Variants in AIG1 observed in about 807,000 individuals in gnomAD.
AIG1 encodes androgen-induced gene 1 protein.
AIG1 carries 23 observed loss-of-function variants against 31.4 expected under a neutral mutation model. The ratio of observed to expected loss-of-function variants is 0.73; its 90% confidence interval spans 0.53 to 1.04. The LOEUF is 1.04. AIG1 is among the 50% of genes least tolerant of loss of function. The pLI, the probability that AIG1 is intolerant of heterozygous loss-of-function variation, is 0.00. For synonymous variants in AIG1, 100 were observed against 110.5 expected (o/e 0.90, Z 0.60); for missense variants, 274 against 295.0 (o/e 0.93, Z 0.52).
chr6:143,277,481 A>G (rs1209023248), intron 3 of AIG1, among the ~76,000 whole-genome samples: 1 of 152,240 alleles, frequency 6.6e-6, no homozygotes, highest in Non-Finnish European at 1.5e-5. Flanking sequence ...AAAGATATGC[A>G]TGTCTTTATT....
intron 3 of AIG1, chr6:143,188,341 A>G: frequency 1.0e-6 from 1 of 985,550 alleles, no homozygotes; most frequent in Non-Finnish European, 1.2e-6. Flanking sequence ...TTACTGAGCG[A>G]TGTATTTATG....
intron 3 of AIG1, among the ~76,000 whole-genome samples, chr6:143,224,505 A>G (rs2128626161): frequency 6.6e-6 from 1 of 152,314 alleles, no homozygotes; most frequent in Non-Finnish European, 1.5e-5. Context: ...GAAATAAGAG[A>G]AGAAAAGTAT....
chr6:143,342,325 A>C, downstream of AIG1: 2 of 676,806 alleles, frequency 3.0e-6, no homozygotes, highest in Non-Finnish European at 5.4e-6. Context: ...AGCAGCTGCG[A>C]GGAGCTCACT....
chr6:143,342,083 G>A (rs113656220), downstream of AIG1, among the ~76,000 whole-genome samples: 8,103 of 152,236 alleles, frequency 0.053, 724 homozygotes, highest in African/African-American at 0.18. Flanking sequence ...GCACCACCAA[G>A]CCCTGCTAAT....
In AIG1 at chr6:143,151,361, A is replaced by G. The variant is rs1403035371; in HGVS notation, c.298-13721A>G. ...AATGGTTCATAGAGAAAAACAAAAAATATTGATATGTTATTGATACAATAC... is the reference window on the plus strand; with the variant it reads ...AATGGTTCATAGAGAAAAACAAAAAGTATTGATATGTTATTGATACAATAC... On this transcript the variant is annotated intron_variant, in intron 2 of 5. Coordinates refer to ENST00000357847, the MANE Select transcript of AIG1 (RefSeq NM_016108.4). Among the ~76,000 whole-genome samples the G allele has an allele frequency of 2.6e-5, 4 of 152,226 alleles. No homozygotes were observed. The East Asian group carries it at 5.8e-4, about 22-fold the overall frequency.
chr6:143,174,999 G>A lies in AIG1; in HGVS notation c.399+9816G>A, dbSNP rs111490630. Among the ~76,000 whole-genome samples, 397 of 152,248 alleles carry A rather than the reference G, an allele frequency of 2.6e-3. 3 individuals are homozygous for A. Among genetic ancestry groups the A allele is most frequent in the African/African-American group, 9.4e-3 (389 of 41,524 alleles). On this transcript the variant is annotated intron_variant, in intron 3 of 5. Transcript: ENST00000357847. Reference sequence around the variant, plus strand: ...CCTTTTAGCAGTTCTTATAGTGCTGGCTTGGTATTGGCAGATTCTCTCAGC... The same window carrying A: ...CCTTTTAGCAGTTCTTATAGTGCTGACTTGGTATTGGCAGATTCTCTCAGC...
Position 143,293,724 on chromosome 6 carries a change from AT to A in AIG1, c.515+9501del, listed in dbSNP as rs1226844823. ...GAAGAACTAGAATTCCCCATGTGCTATTAACCTTGCCCCACCCTGAAGTCAT... is the reference window on the plus strand; with the variant it reads ...GAAGAACTAGAATTCCCCATGTGCTATAACCTTGCCCCACCCTGAAGTCAT... On this transcript the variant is annotated intron_variant, in intron 4 of 5. Transcript: ENST00000357847. This position sits in a 1 kb window ranked among gnomAD's most constrained non-coding sequence, Gnocchi z 4.8. Among the ~76,000 whole-genome samples, 2 of 152,174 alleles carry A rather than the reference AT, an allele frequency of 1.3e-5. No individual in the cohort carries two copies. Among genetic ancestry groups the A allele is most frequent in the Non-Finnish European group, 2.9e-5 (2 of 68,028 alleles).
In AIG1 at chr6:143,325,135, T is replaced by C. The variant is rs1229812700; in HGVS notation, c.516-8147T>C. ...ATAATTCTCTATGAAGACCCTGTGC[T>C]AATAGATGCTGTCTACCTTTGAACC... On this transcript the variant is annotated intron_variant, in intron 4 of 5. Transcript: ENST00000357847. This position sits in a 1 kb window ranked among gnomAD's most constrained non-coding sequence, Gnocchi z 4.3. 6.6e-6 allele frequency among the ~76,000 whole-genome samples: 1 copy of C among 152,254 alleles called. No homozygotes were observed. The highest frequency in any genetic ancestry group is 1.5e-5 in the Non-Finnish European group (1 of 68,036).
intron 3 of AIG1, chr6:143,189,439 GT>G (rs1583461489): frequency 2.0e-6 from 2 of 981,982 alleles, no homozygotes; most frequent in Non-Finnish European, 2.4e-6. Context: ...TTGCAAAATA[GT>G]TTTTTAATAC....
At chr6:143,261,719 A>T (rs912412814) in intron 3 of AIG1, among the ~76,000 whole-genome samples, 3 of 152,206 alleles carry the variant, frequency 2.0e-5, no homozygotes, top group South Asian at 4.1e-4. Context: ...CAATGGGTTA[A>T]GTTCACAAAG....
intron 1 of AIG1, among the ~76,000 whole-genome samples, chr6:143,098,954 A>T (rs3804531): frequency 0.22 from 33,920 of 152,174 alleles, 7,655 homozygotes; most frequent in African/African-American, 0.56. Context: ...ATGAAAATGA[A>T]CAGCTAATAT....
At chr6:143,285,684 C>T (rs1797638397) in intron 4 of AIG1, among the ~76,000 whole-genome samples, 2 of 151,896 alleles carry the variant, frequency 1.3e-5, no homozygotes, top group Non-Finnish European at 2.9e-5. Context: ...CCCATTGGCC[C>T]CTCCATCAAC....
At chr6:143,197,914 G>A (rs1280734409) in intron 3 of AIG1, among the ~76,000 whole-genome samples, 1 of 152,118 alleles carries the variant, frequency 6.6e-6, no homozygotes, top group Non-Finnish European at 1.5e-5. Context: ...TTTCATCCAC[G>A]AGTATCTCCC....
chr6:143,337,376 G>C (rs922292570), intron 5 of AIG1, among the ~76,000 whole-genome samples: 4 of 152,034 alleles, frequency 2.6e-5, no homozygotes, highest in Non-Finnish European at 5.9e-5. Flanking sequence ...TTGGATCCGT[G>C]AGTCACGTAC....
At chr6:143,107,691 G>C (rs1040412191) in intron 1 of AIG1, among the ~76,000 whole-genome samples, 1 of 152,172 alleles carries the variant, frequency 6.6e-6, no homozygotes, top group African/African-American at 2.4e-5. Context: ...AGGAAAGAGG[G>C]GAAGAATTCT....
intron 3 of AIG1, among the ~76,000 whole-genome samples, chr6:143,212,840 A>G (rs1681616183): frequency 6.6e-6 from 1 of 152,184 alleles, no homozygotes; most frequent in African/African-American, 2.4e-5. Context: ...AGCAGAGTGA[A>G]TTTGAAAGGC....
intron 1 of AIG1, among the ~76,000 whole-genome samples, chr6:143,089,783 TAG>T (rs906912608): frequency 4.6e-5 from 7 of 152,156 alleles, no homozygotes; most frequent in African/African-American, 1.7e-4. Context: ...TGGGAACTAA[TAG>T]AGATATAACC....
chr6:143,139,520 A>AT (rs11402192), intron 2 of AIG1, among the ~76,000 whole-genome samples: 5,939 of 148,446 alleles, frequency 0.04, 393 homozygotes, highest in African/African-American at 0.14. Context: ...TTTTTAACTC[A>AT]TTTTTTTTTT....
chr6:143,277,517 A>C (rs1797024612), intron 3 of AIG1, among the ~76,000 whole-genome samples: 1 of 152,220 alleles, frequency 6.6e-6, no homozygotes, highest in African/African-American at 2.4e-5. Flanking sequence ...ACGCACATGC[A>C]CACTGCCATC....
Sources: gnomAD v4.1 joint callset for allele counts (sites outside exome capture counted in the v4.1 genomes callset) on GRCh38, gnomAD v4.1.1 for gene constraint, Gnocchi (gnomAD v3.1) non-coding constraint, MANE v1.5 for transcripts, NCBI Gene and HGNC (gene_info 2026-07-23, HGNC 2026-07-21) for gene names.